The following GINS1 variants were observed in gnomAD, a reference collection of about 807,000 sequenced individuals.
The protein encoded by GINS1 is DNA replication complex GINS protein PSF1.
In GINS1, 26 loss-of-function variants were observed where a neutral mutation model predicts 34.9. The observed-to-expected ratio is 0.74, with a 90% CI of 0.55 to 1.03. The LOEUF (loss-of-function observed/expected upper bound fraction) is 1.03, where lower values mean the gene tolerates loss of function less well. Ranked by LOEUF, GINS1 falls within the 50% of genes least tolerant of loss-of-function variation. The pLI is 0.00. For synonymous variants in GINS1, 97 were observed against 84.4 expected (o/e 1.15, Z -0.82); for missense variants, 235 against 237.9 (o/e 0.99, Z 0.08).
intron 1 of GINS1, among the ~76,000 whole-genome samples, chr20:25,410,966 T>A (rs6050594): frequency 0.11 from 16,712 of 152,126 alleles, 1,718 homozygotes; most frequent in African/African-American, 0.27. Flanking sequence ...ATACTTTTTT[T>A]AAAAAGTACA....
chr20:25,443,481 T>C (rs1332405008), intron 6 of GINS1, among the ~76,000 whole-genome samples: 1 of 149,370 alleles, frequency 6.7e-6, no homozygotes, highest in African/African-American at 2.5e-5. Flanking sequence ...AATTTCTTTT[T>C]TTTTTTTTTT....
At chr20:25,420,088 T>G (rs1417915362) in intron 4 of GINS1, among the ~76,000 whole-genome samples, 1 of 152,128 alleles carries the variant, frequency 6.6e-6, no homozygotes, top group Non-Finnish European at 1.5e-5. Flanking sequence ...GTTCCCAAAG[T>G]CAGTTTCTAT....
At chr20:25,410,155 C>T (rs2090274657) in intron 1 of GINS1, among the ~76,000 whole-genome samples, 1 of 152,034 alleles carries the variant, frequency 6.6e-6, no homozygotes, top group African/African-American at 2.4e-5. Flanking sequence ...TCCTGGCTAA[C>T]ATGGTGAAAC....
Position 25,423,452 on chromosome 20 carries a change from C to CTTTTCTTTTT in GINS1, c.331-1755_331-1754insCTTTTTTTTT, listed in dbSNP as rs1568802527. ...AAGGTTATTAAGATATTTTTCTTTT[C>CTTTTCTTTTT]TTTTTTTTTTTTTTTTTTTTTTTTT... On this transcript the variant is annotated intron_variant, in intron 4 of 6. Transcript: ENST00000262460. Among the ~76,000 whole-genome samples the CTTTTCTTTTT allele has an allele frequency of 1.2e-3, 35 of 29,996 alleles. 7 individuals carry two copies. The East Asian group carries it at 0.016, about 14-fold the overall frequency. 19.7% of individuals were successfully genotyped at this position (29,996 alleles called of 152,430 possible).
At chr20:25,432,428 A>T (rs765547047) in intron 5 of GINS1, among the ~76,000 whole-genome samples, 8 of 151,438 alleles carry the variant, frequency 5.3e-5, no homozygotes, top group Non-Finnish European at 1.0e-4. Context: ...TTAGCCTCCC[A>T]AGTGGCTGGG....
In GINS1 at chr20:25,448,230, G is replaced by T. The variant is rs1244820730; in HGVS notation, c.*2239G>T. ...GATTGCATTGAATTTATATAAAACT[G>T]TTGGGAGAATTGACATCTTAATAAT... On this transcript the variant is annotated 3_prime_UTR_variant, in exon 7 of 7. Coordinates refer to ENST00000262460, the MANE Select transcript of GINS1 (RefSeq NM_021067.5). 1 of 152,174 alleles carries T rather than the reference G, an allele frequency of 6.6e-6. No homozygotes were observed. Among genetic ancestry groups the T allele is most frequent in the Non-Finnish European group, 1.5e-5 (1 of 68,046 alleles). 9.4% of individuals were successfully genotyped at this position (152,174 alleles called of 1,614,324 possible).
chr20:25,432,867 A>G (rs182730967), intron 5 of GINS1, among the ~76,000 whole-genome samples: 140 of 148,470 alleles, frequency 9.4e-4, no homozygotes, highest in African/African-American at 3.4e-3. Flanking sequence ...ATTATATATT[A>G]ACTTATATAA....
At chr20:25,427,994 C>G (rs2090401998) in intron 5 of GINS1, among the ~76,000 whole-genome samples, 1 of 151,188 alleles carries the variant, frequency 6.6e-6, no homozygotes, top group African/African-American at 2.4e-5. Flanking sequence ...GCCTCAGCCT[C>G]CTGAGTAGCT....
chr20:25,446,372 A>C lies in GINS1; in HGVS notation c.*381A>C, dbSNP rs1468014675. The C allele has an allele frequency of 1.2e-5, 2 of 170,332 alleles. No homozygotes were observed. Among genetic ancestry groups the C allele is most frequent in the East Asian group, 3.1e-4 (2 of 6,376 alleles). The allele number at this position is 170,332 out of a possible 1,614,324, so 10.6% of individuals were successfully genotyped here. On this transcript the variant is annotated 3_prime_UTR_variant, in exon 7 of 7. Coordinates refer to ENST00000262460, the MANE Select transcript of GINS1 (RefSeq NM_021067.5). ...TCTAATAAGCTGTATCTGTAATCAC[A>C]GCATTCCTACAGTTGTTACAGTGTG... is the stretch of plus-strand genomic sequence containing the variant.
rs1489437877 is a variant in GINS1 at position 25,407,673 on chromosome 20, G to T, written c.-148G>T. ...AGGCGCGTTCCTATTGGCTAGCTTTGTTCGGCGCCAAAGCGCGGAGCGGAG... is the reference window on the plus strand; with the variant it reads ...AGGCGCGTTCCTATTGGCTAGCTTTTTTCGGCGCCAAAGCGCGGAGCGGAG... On this transcript the variant is annotated 5_prime_UTR_variant, in exon 1 of 7. Coordinates refer to ENST00000262460, the MANE Select transcript of GINS1 (RefSeq NM_021067.5). The T allele has an allele frequency of 5.9e-6, 4 of 676,224 alleles. No individual in the cohort carries two copies. The highest frequency in any genetic ancestry group is 3.7e-5 in the South Asian group (2 of 54,602). The allele number at this position is 676,224 out of a possible 1,614,324, so 41.9% of individuals were successfully genotyped here.
Position 25,407,782 on chromosome 20 carries a change from T to C in GINS1, c.-39T>C. 1 of 1,534,600 alleles carries C rather than the reference T, an allele frequency of 6.5e-7. No individual in the cohort carries two copies. The highest frequency in any genetic ancestry group is 9.0e-7 in the Non-Finnish European group (1 of 1,108,196). ...CCAGATACCATTTTGGCGTGAGAGC[T>C]GGTGGTTGGCAAGGCCGCGGGAGTG... On this transcript the variant is annotated 5_prime_UTR_variant, in exon 1 of 7. Coordinates refer to ENST00000262460, the MANE Select transcript of GINS1 (RefSeq NM_021067.5).
At chr20:25,418,613 GCTGT>G (rs1049210724) in intron 4 of GINS1, among the ~76,000 whole-genome samples, 4 of 152,276 alleles carry the variant, frequency 2.6e-5, no homozygotes, top group African/African-American at 9.6e-5. Flanking sequence ...TCAAATCTCT[GCTGT>G]CTAATATTGA....
chr20:25,425,189 A>G, intron 4 of GINS1, 22 bp from the exon 5 acceptor site: 1 of 1,022,434 alleles, frequency 9.8e-7, no homozygotes, highest in Non-Finnish European at 1.5e-6. Context: ...ATTTTGTCAA[A>G]TGATCATCTC....
At chr20:25,439,892 G>A (rs970479336) in intron 5 of GINS1, among the ~76,000 whole-genome samples, 110 of 151,632 alleles carry the variant, frequency 7.3e-4, no homozygotes, top group Non-Finnish European at 4.3e-4. Context: ...CTACTAGGGA[G>A]GCTGAGGCAG....
intron 5 of GINS1, among the ~76,000 whole-genome samples, chr20:25,434,511 A>C (rs1359687742): frequency 6.6e-6 from 1 of 151,862 alleles, no homozygotes; most frequent in East Asian, 1.9e-4. Flanking sequence ...GTGGTGGTAC[A>C]ATCATAGTTC....
intron 1 of GINS1, among the ~76,000 whole-genome samples, chr20:25,410,166 C>A (rs2090274695): frequency 1.3e-5 from 2 of 151,840 alleles, no homozygotes; most frequent in Admixed American, 1.3e-4. Context: ...ATGGTGAAAC[C>A]CCGTATCTAC....
chr20:25,407,817 C>T lies in GINS1; in HGVS notation c.-4C>T, dbSNP rs376737818. 12 of 1,613,122 alleles carry T rather than the reference C, an allele frequency of 7.4e-6. No homozygotes were observed. The highest frequency in any genetic ancestry group is 5.0e-5 in the Admixed American group (3 of 59,996). On this transcript the variant is annotated 5_prime_UTR_variant, in exon 1 of 7. Transcript: ENST00000262460. ...CAAGGCCGCGGGAGTGGGAAGCGTC[C>T]GCCATGTTCTGCGAAAAAGCCATGG... is the stretch of plus-strand genomic sequence containing the variant.
chr20:25,421,651 A>AT (rs1026015834), intron 4 of GINS1, among the ~76,000 whole-genome samples: 3 of 152,094 alleles, frequency 2.0e-5, no homozygotes, highest in African/African-American at 7.2e-5. Context: ...GAAAATAGGT[A>AT]TTTTTTTCTT....
intron 6 of GINS1, 69 bp from the exon 7 acceptor site, chr20:25,445,854 A>G: frequency 1.0e-6 from 1 of 997,806 alleles, no homozygotes; most frequent in East Asian, 2.4e-5. Flanking sequence ...TTAATGATAC[A>G]AGAAATAATT....
Sources: allele counts gnomAD v4.1 joint callset (sites outside exome capture counted in the v4.1 genomes callset), GRCh38; gene constraint gnomAD v4.1.1; transcripts MANE v1.5; gene names NCBI Gene and HGNC (gene_info 2026-07-23, HGNC 2026-07-21).